PLA2G2E: variants seen among roughly 807,000 people sequenced by gnomAD.
PLA2G2E encodes phospholipase A2 group IIE.
A neutral mutation model predicts 16.5 loss-of-function variants in PLA2G2E; 14 were observed. The observed-to-expected ratio is 0.85, with a 90% confidence interval of 0.56 to 1.33. The LOEUF (loss-of-function observed/expected upper bound fraction) is 1.33, where lower values mean the gene tolerates loss of function less well. PLA2G2E is among the 40% of genes most tolerant of loss of function. The probability of loss-of-function intolerance (pLI) is 0.00; values close to 1 mark genes in which losing one functional copy is unlikely to be tolerated. For missense variants in PLA2G2E, 174 were observed against 190.7 expected (o/e 0.91, Z 0.52); for synonymous variants, 72 against 77.2 (o/e 0.93, Z 0.36).
chr1:19,920,232 C>G lies in PLA2G2E; in HGVS notation c.*75G>C. On this transcript the variant is annotated 3_prime_UTR_variant, in exon 4 of 4. Transcript: ENST00000375116. This position sits in a 1 kb window ranked among gnomAD's most constrained non-coding sequence, Gnocchi z 4.3. ...TTTCCAAAGGGAGGGCCTTTGGTGC[C>G]AATGTTCCCCAGGCCTGGGACTACA... 7.5e-7 allele frequency: 1 copy of G among 1,329,492 alleles called. No homozygotes were observed. Among genetic ancestry groups the G allele is most frequent in the Non-Finnish European group, 1.0e-6 (1 of 957,216 alleles). 82.4% of individuals were successfully genotyped at this position (1,329,492 alleles called of 1,614,324 possible). A position where few individuals can be genotyped will look rare whatever the true frequency, so the allele number is the denominator to read the frequency against.
chr1:19,921,730 T>C (rs1038364682), intron 3 of PLA2G2E, among the ~76,000 whole-genome samples: 8 of 152,150 alleles, frequency 5.3e-5, no homozygotes, highest in African/African-American at 1.2e-4. Flanking sequence ...AGAGCTTGGC[T>C]CTCTCATGTG....
intron 1 of PLA2G2E, among the ~76,000 whole-genome samples, chr1:19,923,151 C>T (rs1258016095): frequency 6.6e-6 from 1 of 152,232 alleles, no homozygotes; most frequent in Non-Finnish European, 1.5e-5. Context: ...TCCTGACCAC[C>T]TCAGCTGACC....
chr1:19,922,782 A>ACC, intron 1 of PLA2G2E, 27 bp from the exon 2 acceptor site: 7 of 1,610,634 alleles, frequency 4.3e-6, no homozygotes, highest in South Asian at 1.1e-5. Context: ...GGAGAGGGAG[A>ACC]GGGAGGGCCC....
At chr1:19,921,602 C>T (rs536343255) in intron 3 of PLA2G2E, among the ~76,000 whole-genome samples, 159 of 152,346 alleles carry the variant, frequency 1.0e-3, no homozygotes, top group African/African-American at 3.6e-3. Flanking sequence ...TGCCCCGCCG[C>T]CAGGACAGAA....
Position 19,920,720 on chromosome 1 carries a change from G to A in PLA2G2E, c.287-271C>T, listed in dbSNP as rs1477479780. Among the ~76,000 whole-genome samples the A allele has an allele frequency of 1.3e-5, 2 of 152,162 alleles. No homozygotes were observed. The highest frequency in any genetic ancestry group is 2.9e-5 in the Non-Finnish European group (2 of 68,028). ...CTGCCCTTAGCTCTCTCCGGCCTTA[G>A]GGACACCACGTGGTTCCCTAACTCT... On this transcript the variant is annotated intron_variant, in intron 3 of 3. Transcript: ENST00000375116. The surrounding 1 kb of genome is among the most constrained non-coding windows in gnomAD (Gnocchi z 4.3).
chr1:19,922,259 C>T, intron 3 of PLA2G2E, 39 bp downstream of exon 3: 1 of 1,454,514 alleles, frequency 6.9e-7, no homozygotes, highest in South Asian at 1.2e-5. Flanking sequence ...ACCCACCTCA[C>T]CGCAGGGTGT....
chr1:19,922,445 G>C, intron 2 of PLA2G2E, 41 bp from the exon 3 acceptor site: 1 of 1,590,030 alleles, frequency 6.3e-7, no homozygotes. Flanking sequence ...CTGTGAGCCA[G>C]GCTGGGCTGG....
At position 19,920,181 on chromosome 1, in the gene PLA2G2E, G is replaced by A. The variant is rs552164632; in HGVS notation, c.*126C>T. On this transcript the variant is annotated 3_prime_UTR_variant, in exon 4 of 4. Coordinates refer to ENST00000375116, the MANE Select transcript of PLA2G2E (RefSeq NM_014589.3). This position sits in a 1 kb window ranked among gnomAD's most constrained non-coding sequence, Gnocchi z 4.3. The stretch of plus-strand genomic sequence containing the variant: ...CAGGACATATCTCTGAGCTCTCAAG[G>A]AGGGATGAGTTTGCAGGAAAGGAAT... 2.3e-5 allele frequency: 18 copies of A among 767,150 alleles called. No individual in the cohort carries two copies. The African/African-American group carries it at 2.9e-4, about 13-fold the overall frequency. The allele number at this position is 767,150 out of a possible 1,614,324, so 47.5% of individuals were successfully genotyped here.
At chr1:19,921,301 T>C (rs972261174) in intron 3 of PLA2G2E, among the ~76,000 whole-genome samples, 5 of 152,208 alleles carry the variant, frequency 3.3e-5, no homozygotes, top group African/African-American at 1.2e-4. Context: ...TGGGGGGCTT[T>C]TTCCAGGAGC....
At position 19,920,330 on chromosome 1, in the gene PLA2G2E, T is replaced by G. The variant is rs774420800; in HGVS notation, c.406A>C (p.Thr136Pro). The change falls in exon 4 of 4, where the codon ACC (threonine) becomes CCC (proline). Residue 136 changes from threonine to proline, a missense_variant. By Grantham distance (38) the Thr-to-Pro change is conservative. Transcript: ENST00000375116. This position sits in a 1 kb window ranked among gnomAD's most constrained non-coding sequence, Gnocchi z 4.3. Reference sequence around the variant, plus strand: ...CCTCAGCAGGGCGGGGTGGGCCCGGTGCACAGCTTGTTGGGATAATGGGCA... The same window carrying G: ...CCTCAGCAGGGCGGGGTGGGCCCGGGGCACAGCTTGTTGGGATAATGGGCA... ...KYAHYPNKLC[T>P]GPTPPC is the part of the protein sequence containing the mutation. 6.2e-7 allele frequency: 1 copy of G among 1,612,870 alleles called. No individual in the cohort carries two copies. Among genetic ancestry groups the G allele is most frequent in the Non-Finnish European group, 8.5e-7 (1 of 1,179,738 alleles).
At chr1:19,922,006 A>C (rs989113920) in intron 3 of PLA2G2E, among the ~76,000 whole-genome samples, 2 of 152,206 alleles carry the variant, frequency 1.3e-5, no homozygotes, top group Non-Finnish European at 1.5e-5. Context: ...GCCCTGGCTC[A>C]GCTCAGACCC....
chr1:19,921,678 C>T (rs2045817459), intron 3 of PLA2G2E, among the ~76,000 whole-genome samples: 1 of 152,244 alleles, frequency 6.6e-6, no homozygotes, highest in South Asian at 2.1e-4. Flanking sequence ...CCCACCAGGC[C>T]CTGCCCTTCT....
chr1:19,922,779 G>GAGAGGT, intron 1 of PLA2G2E, 24 bp from the exon 2 acceptor site: 1 of 1,610,350 alleles, frequency 6.2e-7, no homozygotes, highest in Non-Finnish European at 8.5e-7. Context: ...GAGGGAGAGG[G>GAGAGGT]AGAGGGAGGG....
intron 1 of PLA2G2E, 58 bp downstream of exon 1, chr1:19,923,462 C>T: frequency 4.8e-6 from 7 of 1,455,180 alleles, no homozygotes; most frequent in South Asian, 1.3e-5. Context: ...CAGGGGCATC[C>T]AGGGAGCTTG....
chr1:19,922,420 T>A lies in PLA2G2E; in HGVS notation c.180-16A>T. ...GTGGCAGCACCTGTAAGGGTCATGG[T>A]TGACCTGGAGGGACCTGTGAGCCAG... On this transcript the variant is annotated splice_polypyrimidine_tract_variant and intron_variant, in intron 2 of 3. Transcript: ENST00000375116. The A allele has an allele frequency of 6.2e-7, 1 of 1,609,818 alleles. No individual in the cohort carries two copies. Among genetic ancestry groups the A allele is most frequent in the Non-Finnish European group, 8.5e-7 (1 of 1,176,672 alleles).
chr1:19,922,204 C>A, intron 3 of PLA2G2E, 94 bp downstream of exon 3: 2 of 842,538 alleles, frequency 2.4e-6, no homozygotes, highest in South Asian at 1.6e-5. Context: ...TCTGATAAGG[C>A]CCAAGGTCAC....
chr1:19,922,526 C>T (rs571969607), intron 2 of PLA2G2E, 91 bp downstream of exon 2: 8 of 1,557,860 alleles, frequency 5.1e-6, no homozygotes, highest in Admixed American at 1.8e-5. Context: ...TTTCCAGGTG[C>T]CCCCAGGCTT....
rs572386401 is a variant in PLA2G2E at position 19,920,285 on chromosome 1, G to T, written c.*22C>A. ...AGCCCGAGGCGGGACCTCCAGGGAC[G>T]GGGGGGAGGCCGAGCATAGCCTCAG... On this transcript the variant is annotated 3_prime_UTR_variant, in exon 4 of 4. Transcript: ENST00000375116. This position sits in a 1 kb window ranked among gnomAD's most constrained non-coding sequence, Gnocchi z 4.3. 8.3e-5 allele frequency: 132 copies of T among 1,585,158 alleles called. 1 individual carries two copies. Among genetic ancestry groups the T allele is most frequent in the Non-Finnish European group, 1.1e-4 (124 of 1,160,394 alleles).
In PLA2G2E at chr1:19,922,312, C is replaced by T. The variant is rs1276954133; in HGVS notation, c.272G>A (p.Arg91His). 1 of 1,613,590 alleles carries T rather than the reference C, an allele frequency of 6.2e-7. No homozygotes were observed. Among genetic ancestry groups the T allele is most frequent in the African/African-American group, 1.3e-5 (1 of 75,038 alleles). Reference protein sequence around the residue: ...LEKYLFSVSERGIFCAGRTTC... With the variant: ...LEKYLFSVSEHGIFCAGRTTC... ...TCTCCACCTACCGCAGAAAATGCCA[C>T]GTTCGCTGACAGAGAAAAGATACTT... is the stretch of plus-strand genomic sequence containing the variant. Residue 91 changes from arginine (R) to histidine (H), a missense_variant, in exon 3 of 4, where the codon CGT (arginine) becomes CAT (histidine). Physicochemically the swap from Arg to His is conservative, Grantham distance 29 (BLOSUM62 0). Coordinates refer to ENST00000375116, the MANE Select transcript of PLA2G2E (RefSeq NM_014589.3).
Sources: allele counts gnomAD v4.1 joint callset (sites outside exome capture counted in the v4.1 genomes callset), GRCh38; gene constraint gnomAD v4.1.1; non-coding constraint Gnocchi (gnomAD v3.1); transcripts MANE v1.5; gene names NCBI Gene and HGNC (gene_info 2026-07-23, HGNC 2026-07-21).